Variants in MYOF observed in about 807,000 individuals in gnomAD.
MYOF encodes fer-1-like 3, myoferlin.
Under a neutral mutation model 284.2 loss-of-function variants are expected in MYOF, and 244 were observed. The ratio of observed to expected loss-of-function variants is 0.86; its 90% CI spans 0.77 to 0.95. The LOEUF (loss-of-function observed/expected upper bound fraction) is 0.95. Among genes scored for constraint, MYOF ranks in the 40% least tolerant of loss-of-function variants. MYOF has a pLI of 0.00. For synonymous variants in MYOF, 904 were observed against 919.7 expected, an observed-to-expected ratio of 0.98 and a Z score of 0.31; for missense variants, 2,496 against 2,560.6, an observed-to-expected ratio of 0.97 and a Z score of 0.54.
intron 20 of MYOF, among the ~76,000 whole-genome samples, chr10:93,380,934 A>T (rs897690126): frequency 6.6e-6 from 1 of 152,198 alleles, no homozygotes; most frequent in Non-Finnish European, 1.5e-5. Context: ...AACTTAGCAC[A>T]GTGGCTACCT....
At chr10:93,385,128 T>C (rs1846303815) in intron 19 of MYOF, among the ~76,000 whole-genome samples, 1 of 151,786 alleles carries the variant, frequency 6.6e-6, no homozygotes, top group Non-Finnish European at 1.5e-5. Context: ...CCAAGGAAAA[T>C]GGGGAAAGAG....
chr10:93,458,615 A>G (rs903285988), intron 1 of MYOF, among the ~76,000 whole-genome samples: 1 of 152,084 alleles, frequency 6.6e-6, no homozygotes, highest in Non-Finnish European at 1.5e-5. Context: ...CTATTATCCC[A>G]GCTACTCGGG....
chr10:93,372,941 T>C lies in MYOF; in HGVS notation c.2446A>G (p.Ile816Val), dbSNP rs1433578104. The C allele has an allele frequency of 1.9e-6, 3 of 1,614,074 alleles. No individual in the cohort carries two copies. The highest frequency in any genetic ancestry group is 2.5e-6 in the Non-Finnish European group (3 of 1,180,024). Residue 816 changes from isoleucine (I) to valine (V), a missense_variant, in exon 24 of 54, where the codon ATC (isoleucine) becomes GTC (valine). By Grantham distance (29) the Ile-to-Val change is conservative (BLOSUM62 3). Transcript: ENST00000359263. ...GTGAAGATATGTACCTTCAGAAAGA[T>C]GGTTTGGGTTTTCCCACAGTATTTT... ...SGKYCGKTQT[I>V]FLKYPQEKNN...
chr10:93,409,506 C>T, intron 6 of MYOF, 67 bp downstream of exon 6: 1 of 1,548,142 alleles, frequency 6.5e-7, no homozygotes, highest in South Asian at 1.2e-5. Flanking sequence ...TGAAACATCA[C>T]TGCAATTGCC....
intron 1 of MYOF, among the ~76,000 whole-genome samples, chr10:93,479,786 A>G (rs2057348995): frequency 6.6e-6 from 1 of 152,200 alleles, no homozygotes; most frequent in Non-Finnish European, 1.5e-5. Context: ...AGCTAAATGA[A>G]TGAATGACTT....
chr10:93,366,771 G>A (rs1845344036), intron 25 of MYOF, among the ~76,000 whole-genome samples: 1 of 152,198 alleles, frequency 6.6e-6, no homozygotes, highest in African/African-American at 2.4e-5. Flanking sequence ...GTTCTCATCT[G>A]AAATCTGAGG....
At position 93,482,045 on chromosome 10, in the gene MYOF, G is replaced by T. The variant is rs1043692119; in HGVS notation, c.88+62C>A. 8.9e-6 allele frequency: 13 copies of T among 1,464,598 alleles called. No individual in the cohort carries two copies. The African/African-American group carries it at 1.7e-4, about 19-fold the overall frequency. 90.7% of individuals were successfully genotyped at this position (1,464,598 alleles called of 1,614,324 possible). A position where few individuals can be genotyped will look rare whatever the true frequency, so the allele number is the denominator to read the frequency against. Reference sequence around the variant, plus strand: ...GTCTAAATGCAGACTTTTCAAGAAGGTGACTCAAGAAACTAACATTCCAAA... The same window carrying T: ...GTCTAAATGCAGACTTTTCAAGAAGTTGACTCAAGAAACTAACATTCCAAA... On this transcript the variant is annotated intron_variant, in intron 1 of 53. Coordinates refer to ENST00000359263, the MANE Select transcript of MYOF (RefSeq NM_013451.4).
At chr10:93,460,877 C>T (rs927435843) in intron 1 of MYOF, among the ~76,000 whole-genome samples, 27 of 152,052 alleles carry the variant, frequency 1.8e-4, no homozygotes, top group Admixed American at 1.5e-3. Flanking sequence ...AGGCGGATCA[C>T]CTGAGGTCAG....
At chr10:93,397,796 C>A (rs1589502757) in intron 13 of MYOF, among the ~76,000 whole-genome samples, 1 of 151,974 alleles carries the variant, frequency 6.6e-6, no homozygotes, top group Admixed American at 6.6e-5. Context: ...CCAGACAGAT[C>A]TTTTGACCCT....
intron 15 of MYOF, 50 bp downstream of exon 15, chr10:93,397,197 T>A: frequency 7.0e-7 from 1 of 1,419,404 alleles, no homozygotes; most frequent in South Asian, 1.2e-5. Flanking sequence ...TTTCACAATA[T>A]CCAATGTTTA....
Position 93,378,693 on chromosome 10 carries a change from G to GTGTGTGTATATATATATATATATA in MYOF, c.2001+1169_2001+1170insTATATATATATATATATACACACA. ...TATGTGTGTGTGTATGTGTGTGTGT[G>GTGTGTGTATATATATATATATATA]TATATATATATATATATATATATGT... On this transcript the variant is annotated intron_variant, in intron 21 of 53. Transcript: ENST00000359263. Among the ~76,000 whole-genome samples, 349 of 87,784 alleles carry GTGTGTGTATATATATATATATATA rather than the reference G, an allele frequency of 4.0e-3. 9 individuals carry two copies. Among genetic ancestry groups the GTGTGTGTATATATATATATATATA allele is most frequent in the East Asian group, 0.022 (27 of 1,230 alleles). The allele number at this position is 87,784 out of a possible 152,430, so 57.6% of individuals were successfully genotyped here. A position where few individuals can be genotyped will look rare whatever the true frequency, so the allele number is the denominator to read the frequency against.
chr10:93,443,472 CTGTGTGTG>C (rs5787060), intron 3 of MYOF, among the ~76,000 whole-genome samples: 2,237 of 137,224 alleles, frequency 0.016, 63 homozygotes, highest in African/African-American at 0.064. Context: ...CTCTCTCTCT[CTGTGTGTG>C]TGTGTGTGTG....
intron 11 of MYOF, 100 bp from the exon 12 acceptor site, chr10:93,401,644 A>G (rs1847298497): frequency 1.4e-6 from 2 of 1,475,494 alleles, no homozygotes; most frequent in Non-Finnish European, 1.8e-6. Context: ...AATCGTTTCC[A>G]TTAAGATTTC....
At position 93,381,386 on chromosome 10, in the gene MYOF, C is replaced by T. The variant is rs370493284; in HGVS notation, c.1709G>A (p.Arg570Gln). ...DDLLVVEKYQ[R>Q]RRKYSLSAVF... The stretch of plus-strand genomic sequence containing the variant: ...GGCAGACAGGCTGTACTTCCGCCTT[C>T]GCTGGTATTTCTATAAAGTATGAGC... The change falls in exon 20 of 54, where the codon CGA (arginine) becomes CAA (glutamine). Residue 570 changes from arginine (R) to glutamine (Q), a missense_variant. Physicochemically the swap from Arg to Gln is conservative, Grantham distance 43. Transcript: ENST00000359263. 2.8e-5 allele frequency: 45 copies of T among 1,614,090 alleles called. 1 individual carries two copies. Among genetic ancestry groups the T allele is most frequent in the Middle Eastern group, 3.3e-4 (2 of 6,062 alleles).
At chr10:93,320,747 AC>A (rs1412611971) in intron 48 of MYOF, among the ~76,000 whole-genome samples, 1 of 152,160 alleles carries the variant, frequency 6.6e-6, no homozygotes, top group Non-Finnish European at 1.5e-5. Flanking sequence ...CTAGTTTGAA[AC>A]CAGGGGGTAA....
chr10:93,322,454 TC>T (rs1229384699), intron 48 of MYOF, among the ~76,000 whole-genome samples: 5 of 152,298 alleles, frequency 3.3e-5, no homozygotes, highest in African/African-American at 1.2e-4. Flanking sequence ...CAGAATGTAG[TC>T]GCTATGCTGT....
At chr10:93,315,191 C>CG (rs1289834232) in intron 50 of MYOF, among the ~76,000 whole-genome samples, 1 of 152,018 alleles carries the variant, frequency 6.6e-6, no homozygotes, top group Non-Finnish European at 1.5e-5. Context: ...AGGTACTGTG[C>CG]GGGGAAAAGG....
intron 31 of MYOF, among the ~76,000 whole-genome samples, chr10:93,354,666 A>ACTCTCTCTCCCTCTCTCT (rs1554844077): frequency 2.5e-5 from 3 of 119,236 alleles, no homozygotes; most frequent in Admixed American, 8.5e-5. Context: ...TCACACATTC[A>ACTCTCTCTCCCTCTCTCT]CTCTCTCTCT....
At chr10:93,307,055 C>CAGTT (rs1344468025) in intron 53 of MYOF, 54 bp from the exon 54 acceptor site, 26 of 1,485,802 alleles carry the variant, frequency 1.7e-5, no homozygotes, top group African/African-American at 2.8e-5. Flanking sequence ...ATATGTTTTT[C>CAGTT]AGTTAGGGTT....
Sources: gnomAD v4.1 joint callset for allele counts (sites outside exome capture counted in the v4.1 genomes callset) on GRCh38, gnomAD v4.1.1 for gene constraint, MANE v1.5 for transcripts, NCBI Gene and HGNC (gene_info 2026-07-23, HGNC 2026-07-21) for gene names.